Variants in LHPP observed in about 807,000 individuals in gnomAD.
LHPP encodes phospholysine phosphohistidine inorganic pyrophosphate phosphatase.
Under a neutral mutation model 30.3 loss-of-function variants are expected in LHPP, and 24 were observed. The observed-to-expected ratio is 0.79, with a 90% CI of 0.57 to 1.11. The LOEUF (loss-of-function observed/expected upper bound fraction) is 1.11. Among genes scored for constraint, LHPP ranks in the 50% most tolerant of loss-of-function variants. The pLI is 0.00. For synonymous variants in LHPP, 150 were observed against 157.1 expected (o/e 0.95, Z 0.34); for missense variants, 356 against 367.2 (o/e 0.97, Z 0.25).
intron 1 of LHPP, among the ~76,000 whole-genome samples, chr10:124,479,626 G>A (rs895570577): frequency 1.3e-5 from 2 of 152,176 alleles, no homozygotes; most frequent in African/African-American, 4.8e-5. Flanking sequence ...CCGGCTTGCT[G>A]TGTGCTCACA....
At chr10:124,600,570 C>T (rs552198386) in intron 6 of LHPP, among the ~76,000 whole-genome samples, 1 of 152,362 alleles carries the variant, frequency 6.6e-6, no homozygotes, top group African/African-American at 2.4e-5. Context: ...CCTAGGTGCC[C>T]GGGGTCTCAC....
intron 6 of LHPP, among the ~76,000 whole-genome samples, chr10:124,611,517 G>T (rs2134023765): frequency 6.6e-6 from 1 of 151,898 alleles, no homozygotes; most frequent in South Asian, 2.1e-4. Context: ...CGCTGGAGGG[G>T]CTTAGGGGAC....
chr10:124,546,000 CTGGG>C (rs1955329566), intron 6 of LHPP: 1 of 152,472 alleles, frequency 6.6e-6, no homozygotes, highest in African/African-American at 2.4e-5. Context: ...CCAGGGCTCG[CTGGG>C]ATGCTGTCCT....
intron 5 of LHPP, 53 bp downstream of exon 5, chr10:124,498,181 C>CCGCCCCGTCAGGGAGGA: frequency 6.4e-7 from 1 of 1,560,724 alleles, no homozygotes; most frequent in Non-Finnish European, 8.8e-7. Context: ...GTCAGGGAGG[C>CCGCCCCGTCAGGGAGGA]CCTGGAGCTT....
chr10:124,487,776 C>T (rs1399093015), intron 2 of LHPP, among the ~76,000 whole-genome samples: 1 of 152,114 alleles, frequency 6.6e-6, no homozygotes, highest in East Asian at 1.9e-4. Flanking sequence ...AGGTCAACAT[C>T]TAGTCCTAAG....
intron 6 of LHPP, among the ~76,000 whole-genome samples, chr10:124,587,951 C>T (rs770543023): frequency 4.6e-5 from 7 of 152,234 alleles, no homozygotes; most frequent in Non-Finnish European, 8.8e-5. Context: ...CAGACCCACC[C>T]GGTGGAGCTG....
chr10:124,506,080 C>CA (rs1013286785), intron 5 of LHPP, among the ~76,000 whole-genome samples: 7 of 151,922 alleles, frequency 4.6e-5, no homozygotes, highest in Non-Finnish European at 1.0e-4. Context: ...CCTGTCTCTA[C>CA]AAAAAAATAC....
At chr10:124,554,675 G>A (rs1368730568) in intron 6 of LHPP, among the ~76,000 whole-genome samples, 1 of 152,166 alleles carries the variant, frequency 6.6e-6, no homozygotes, top group African/African-American at 2.4e-5. Flanking sequence ...CCAGGTGGGC[G>A]GGGCCAGGTG....
chr10:124,602,391 C>G (rs1290537310), intron 6 of LHPP, among the ~76,000 whole-genome samples: 1 of 152,266 alleles, frequency 6.6e-6, no homozygotes, highest in Non-Finnish European at 1.5e-5. Flanking sequence ...CGCTGATGTC[C>G]TGGAGGCCAC....
At chr10:124,568,953 C>A (rs967683735) in intron 6 of LHPP, among the ~76,000 whole-genome samples, 7 of 138,268 alleles carry the variant, frequency 5.1e-5, no homozygotes, top group African/African-American at 1.8e-4. Flanking sequence ...CTGTCCCCCC[C>A]ACGGCTCCCA....
chr10:124,487,410 G>A (rs536818996), intron 2 of LHPP, among the ~76,000 whole-genome samples: 204 of 150,660 alleles, frequency 1.4e-3, no homozygotes, highest in African/African-American at 4.4e-3. Context: ...GTATGAAATC[G>A]TATCTCATTG....
chr10:124,462,221 C>T lies in LHPP; in HGVS notation c.125+234C>T, dbSNP rs183997645. 4.9e-3 allele frequency among the ~76,000 whole-genome samples: 741 copies of T among 152,308 alleles called. 12 individuals carry two copies. Among genetic ancestry groups the T allele is most frequent in the African/African-American group, 0.017 (714 of 41,578 alleles). ...GCTGCGCGGTCAGACAGGGCGGCCA[C>T]CTGGTACGTGCGCTGCTGAGCGCTT... On this transcript the variant is annotated intron_variant, in intron 1 of 6. Coordinates refer to ENST00000368842, the MANE Select transcript of LHPP (RefSeq NM_022126.4).
chr10:124,560,289 C>T (rs775293146), intron 6 of LHPP, among the ~76,000 whole-genome samples: 1 of 152,174 alleles, frequency 6.6e-6, no homozygotes, highest in Admixed American at 6.5e-5. Context: ...CATAATCCAC[C>T]GGCAACATCA....
rs2133920367 is a variant in LHPP at position 124,523,892 on chromosome 10, A to G, written c.716+6621A>G. Among the ~76,000 whole-genome samples, 1 of 152,296 alleles carries G rather than the reference A, an allele frequency of 6.6e-6. No individual in the cohort carries two copies. The highest frequency in any genetic ancestry group is 2.4e-5 in the African/African-American group (1 of 41,556). On this transcript the variant is annotated intron_variant, in intron 6 of 6. Coordinates refer to ENST00000368842, the MANE Select transcript of LHPP (RefSeq NM_022126.4). The surrounding 1 kb of genome is among the most constrained non-coding windows in gnomAD (Gnocchi z 4.2). ...TGTGCAATGAGTCCGTGAATCCCAG[A>G]CATCCTCTCAGCAGCCCTCTGGTCC...
intron 5 of LHPP, among the ~76,000 whole-genome samples, chr10:124,505,675 G>C (rs983496911): frequency 3.3e-5 from 5 of 152,134 alleles, no homozygotes; most frequent in African/African-American, 1.2e-4. Context: ...TAATTCTCAC[G>C]GTTTAAGCTT....
intron 5 of LHPP, among the ~76,000 whole-genome samples, chr10:124,515,244 G>A (rs4501944): frequency 0.069 from 10,522 of 152,274 alleles, 452 homozygotes; most frequent in African/African-American, 0.12. Context: ...CATGTCTCCA[G>A]GTTCATTCAT....
At position 124,498,179 on chromosome 10, in the gene LHPP, G is replaced by A. The variant is rs73365835; in HGVS notation, c.624+51G>A. ...TCAGGGGAGGCAGCCCCGTCAGGGA[G>A]GCCCTGGAGCTTGGAATGGATTACA... On this transcript the variant is annotated intron_variant, in intron 5 of 6. Transcript: ENST00000368842. The A allele has an allele frequency of 7.5e-3, 11,670 of 1,564,320 alleles. 602 individuals are homozygous for A. The African/African-American group carries it at 0.12, about 17-fold the overall frequency.
intron 6 of LHPP, among the ~76,000 whole-genome samples, chr10:124,542,305 T>G (rs1028962258): frequency 5.9e-5 from 9 of 152,172 alleles, no homozygotes; most frequent in African/African-American, 1.9e-4. Context: ...GACCTTGAAG[T>G]TATCCAGCAC....
At position 124,561,174 on chromosome 10, in the gene LHPP, C is replaced by T. The variant is rs969458289; in HGVS notation, c.716+43903C>T. ...GAAGGACCAAGCCAGGGGCACCTGG[C>T]GAGACAGAAAACATTTAGGCAATAA... On this transcript the variant is annotated intron_variant, in intron 6 of 6. Transcript: ENST00000368842. Among the ~76,000 whole-genome samples, 9 of 152,156 alleles carry T rather than the reference C, an allele frequency of 5.9e-5. 1 individual carries two copies. The South Asian group carries it at 8.3e-4, about 14-fold the overall frequency.
Sources: gnomAD v4.1 joint callset for allele counts (sites outside exome capture counted in the v4.1 genomes callset) on GRCh38, gnomAD v4.1.1 for gene constraint, Gnocchi (gnomAD v3.1) non-coding constraint, MANE v1.5 for transcripts, NCBI Gene and HGNC (gene_info 2026-07-23, HGNC 2026-07-21) for gene names.